Variants in SP4 observed in about 807,000 individuals in gnomAD.
SP4 encodes Sp4 transcription factor.
Under a neutral mutation model 72.8 loss-of-function variants are expected in SP4, and 19 were observed. The observed-to-expected ratio is 0.26, with a 90% confidence interval of 0.18 to 0.38. The LOEUF (loss-of-function observed/expected upper bound fraction) is 0.38. Among genes scored for constraint, SP4 ranks in the 10% least tolerant of loss-of-function variants. The pLI, the probability that SP4 is intolerant of heterozygous loss-of-function variation, is 1.00. For synonymous variants in SP4, 395 were observed against 333.1 expected (o/e 1.19, Z -2.02); for missense variants, 1,008 against 926.3 (o/e 1.09, Z -1.14).
chr7:21,505,764 G>A (rs1781979965), intron 5 of SP4, among the ~76,000 whole-genome samples: 2 of 152,140 alleles, frequency 1.3e-5, no homozygotes, highest in African/African-American at 4.8e-5. Context: ...CAACCCATCA[G>A]GCTCTTTGGG....
chr7:21,468,908 T>C (rs1253004840), intron 3 of SP4, among the ~76,000 whole-genome samples: 1 of 152,156 alleles, frequency 6.6e-6, no homozygotes, highest in African/African-American at 2.4e-5. Context: ...TGAAACAGCA[T>C]TCTCCCATAC....
chr7:21,506,710 G>A (rs894049778), intron 5 of SP4, among the ~76,000 whole-genome samples: 2 of 152,088 alleles, frequency 1.3e-5, no homozygotes, highest in African/African-American at 4.8e-5. Context: ...TTTTGGTAAT[G>A]TCAGGCCAGC....
At position 21,448,725 on chromosome 7, in the gene SP4, G is replaced by A. The variant is rs539184044; in HGVS notation, c.1678+17882G>A. On this transcript the variant is annotated intron_variant, in intron 3 of 5. Coordinates refer to ENST00000222584, the MANE Select transcript of SP4 (RefSeq NM_003112.5). Reference sequence around the variant, plus strand: ...GATAGGTGTAAAGTATTATTACATCGTTTTGTTTACCTTTACTCTTTTCTT... The same window carrying A: ...GATAGGTGTAAAGTATTATTACATCATTTTGTTTACCTTTACTCTTTTCTT... Among the ~76,000 whole-genome samples the A allele has an allele frequency of 3.8e-4, 58 of 152,202 alleles. 2 individuals are homozygous for A. The highest frequency in any genetic ancestry group is 1.3e-3 in the African/African-American group (54 of 41,528).
rs200015606 is a variant in SP4, at chr7:21,429,250, T to C, written c.124-39T>C. On this transcript the variant is annotated intron_variant, in intron 2 of 5. Transcript: ENST00000222584. ...CCTCCACTAAATCCGCCCACTTTTT[T>C]TCCCCCCCCCCTCTCCTTTACCGTC... The C allele has an allele frequency of 2.0e-3, 2,267 of 1,159,402 alleles. 42 individuals carry two copies. The African/African-American group carries it at 0.047, about 24-fold the overall frequency. The allele number at this position is 1,159,402 out of a possible 1,614,324, so 71.8% of individuals were successfully genotyped here.
chr7:21,446,185 C>T (rs1193891737), intron 3 of SP4, among the ~76,000 whole-genome samples: 1 of 152,102 alleles, frequency 6.6e-6, no homozygotes. Flanking sequence ...CGCACCTTCA[C>T]TATAATTAAG....
intron 3 of SP4, among the ~76,000 whole-genome samples, chr7:21,451,619 G>A (rs1469281841): frequency 1.3e-5 from 2 of 152,122 alleles, no homozygotes; most frequent in Non-Finnish European, 2.9e-5. Flanking sequence ...AGGTCCAAGG[G>A]AGACAGGGGC....
chr7:21,433,738 C>G (rs528924242), intron 3 of SP4, among the ~76,000 whole-genome samples: 1 of 152,036 alleles, frequency 6.6e-6, no homozygotes, highest in African/African-American at 2.4e-5. Context: ...GTTGGGAGTT[C>G]GACACCAGCC....
intron 5 of SP4, among the ~76,000 whole-genome samples, chr7:21,503,054 T>G (rs1361814378): frequency 6.6e-6 from 1 of 152,110 alleles, no homozygotes; most frequent in Non-Finnish European, 1.5e-5. Flanking sequence ...TTCGCATGGC[T>G]GTCTCAGTGG....
intron 3 of SP4, among the ~76,000 whole-genome samples, chr7:21,444,997 G>C (rs1199587184): frequency 6.6e-6 from 1 of 152,112 alleles, no homozygotes; most frequent in African/African-American, 2.4e-5. Flanking sequence ...GCCACAAAGG[G>C]AATTAGAAAG....
At chr7:21,504,404 T>C (rs1781943341) in intron 5 of SP4, among the ~76,000 whole-genome samples, 1 of 152,214 alleles carries the variant, frequency 6.6e-6, no homozygotes, top group South Asian at 2.1e-4. Context: ...GTTAAGACCA[T>C]ATAATTTACA....
intron 5 of SP4, among the ~76,000 whole-genome samples, chr7:21,485,211 G>A (rs965694586): frequency 6.6e-6 from 1 of 151,854 alleles, no homozygotes; most frequent in African/African-American, 2.4e-5. Flanking sequence ...TTAACCATTC[G>A]TAGCAACAAC....
intron 5 of SP4, among the ~76,000 whole-genome samples, chr7:21,487,756 ATGATGATGG>A (rs1242595112): frequency 1.7e-4 from 14 of 84,416 alleles, no homozygotes; most frequent in Admixed American, 5.6e-4. Flanking sequence ...GATGATGATG[ATGATGATGG>A]TGGTGGTGGT....
intron 5 of SP4, among the ~76,000 whole-genome samples, chr7:21,510,328 T>A (rs1330955220): frequency 6.6e-6 from 1 of 152,210 alleles, no homozygotes; most frequent in East Asian, 1.9e-4. Flanking sequence ...GCCTCATTTA[T>A]TATACACAAA....
At chr7:21,506,299 T>A (rs1489775742) in intron 5 of SP4, among the ~76,000 whole-genome samples, 1 of 152,184 alleles carries the variant, frequency 6.6e-6, no homozygotes, top group African/African-American at 2.4e-5. Flanking sequence ...AGGTCCCACC[T>A]TCAAATTTAT....
intron 3 of SP4, 133 bp from the exon 4 acceptor site, chr7:21,476,946 C>T (rs1784516997): frequency 6.2e-6 from 4 of 642,084 alleles, no homozygotes; most frequent in Non-Finnish European, 1.1e-5. Context: ...ATAGTATAAG[C>T]CATTAACCCC....
At chr7:21,466,640 G>T (rs1784176070) in intron 3 of SP4, among the ~76,000 whole-genome samples, 1 of 152,116 alleles carries the variant, frequency 6.6e-6, no homozygotes, top group Admixed American at 6.5e-5. Context: ...GGCTAATGGG[G>T]TTCACCTTCA....
chr7:21,489,604 G>C (rs1021988401), intron 5 of SP4, among the ~76,000 whole-genome samples: 1 of 139,908 alleles, frequency 7.1e-6, no homozygotes, highest in African/African-American at 2.7e-5. Context: ...CTGTCACCCA[G>C]GCTGGAGTGC....
chr7:21,451,648 T>A (rs1399834286), intron 3 of SP4, among the ~76,000 whole-genome samples: 2 of 152,182 alleles, frequency 1.3e-5, no homozygotes, highest in Admixed American at 1.3e-4. Flanking sequence ...GCCTCTGTCA[T>A]GTCCCACTGA....
chr7:21,510,667 C>G (rs534665792), intron 5 of SP4, among the ~76,000 whole-genome samples: 1 of 152,020 alleles, frequency 6.6e-6, no homozygotes, highest in East Asian at 1.9e-4. Flanking sequence ...GGACATGAGC[C>G]TTGAACATTA....
Sources: gnomAD v4.1 joint callset for allele counts (sites outside exome capture counted in the v4.1 genomes callset) on GRCh38, gnomAD v4.1.1 for gene constraint, MANE v1.5 for transcripts, NCBI Gene and HGNC (gene_info 2026-07-23, HGNC 2026-07-21) for gene names.